SLC2A9: variants seen among roughly 807,000 people sequenced by gnomAD.
SLC2A9 encodes solute carrier family 2 member 9.
Under a neutral mutation model 50.6 loss-of-function variants are expected in SLC2A9, and 39 were observed. The observed-to-expected ratio is 0.77, with a 90% CI of 0.60 to 1.01. SLC2A9 has a LOEUF of 1.01. SLC2A9 is among the 50% of genes least tolerant of loss of function. The pLI, the probability that SLC2A9 is intolerant of heterozygous loss-of-function variation, is 0.00. For missense variants in SLC2A9, 686 were observed against 677.6 expected (o/e 1.01, Z -0.14); for synonymous variants, 324 against 276.9 (o/e 1.17, Z -1.69).
intron 3 of SLC2A9, among the ~76,000 whole-genome samples, chr4:9,993,025 T>G (rs1757982847): frequency 6.6e-6 from 1 of 152,256 alleles, no homozygotes; most frequent in African/African-American, 2.4e-5. Context: ...ACTCAGGGGC[T>G]GCCTCCTTTG....
intron 10 of SLC2A9, among the ~76,000 whole-genome samples, chr4:9,882,570 G>A (rs564352042): frequency 4.1e-4 from 63 of 152,188 alleles, no homozygotes; most frequent in Non-Finnish European, 8.2e-4. Flanking sequence ...TTAGCCAGGC[G>A]TGATGGTGGA....
At chr4:9,936,082 G>A (rs1364234212) in intron 6 of SLC2A9, among the ~76,000 whole-genome samples, 1 of 152,140 alleles carries the variant, frequency 6.6e-6, no homozygotes, top group Non-Finnish European at 1.5e-5. Flanking sequence ...GAGCCCTTCT[G>A]CCAAAATACC....
In SLC2A9 at chr4:9,866,234, A is replaced by G. The variant is rs531004348; in HGVS notation, c.1291+21333T>C. 4.0e-5 allele frequency among the ~76,000 whole-genome samples: 6 copies of G among 151,474 alleles called. No individual in the cohort carries two copies. In the South Asian group the frequency reaches 1.0e-3, roughly 26 times the overall value. ...GTATTATTATTATACCATTATTATT[A>G]TTAATATTATTATTATTATTATTGA... On this transcript the variant is annotated intron_variant, in intron 10 of 11. Coordinates refer to ENST00000264784, the MANE Select transcript of SLC2A9 (RefSeq NM_020041.3).
intron 5 of SLC2A9, among the ~76,000 whole-genome samples, chr4:9,957,981 T>C (rs893971420): frequency 6.6e-6 from 1 of 152,158 alleles, no homozygotes; most frequent in African/African-American, 2.4e-5. Context: ...GAAGTAATCA[T>C]ACAATTTCAA....
intron 10 of SLC2A9, chr4:9,880,636 G>T: frequency 4.6e-6 from 4 of 869,840 alleles, no homozygotes; most frequent in Non-Finnish European, 5.5e-6. Context: ...TGGCTTGTTT[G>T]TGTGCATGGG....
Position 9,948,847 on chromosome 4 carries a change from T to C in SLC2A9, c.682-6802A>G, listed in dbSNP as rs76698299. 6.1e-4 allele frequency among the ~76,000 whole-genome samples: 93 copies of C among 152,332 alleles called. 2 individuals carry two copies. The East Asian group carries it at 0.017, about 28-fold the overall frequency. On this transcript the variant is annotated intron_variant, in intron 5 of 11. Transcript: ENST00000264784. ...GCCCACATCTCCATCTCAGGGTCTC[T>C]TTTCTGGGGAACTCAACCTAAGACA... is the stretch of plus-strand genomic sequence containing the variant.
rs1372309579 is a variant in SLC2A9 at position 9,889,676 on chromosome 4, A to T, written c.1215+934T>A. Among the ~76,000 whole-genome samples, 3 of 152,238 alleles carry T rather than the reference A, an allele frequency of 2.0e-5. No individual in the cohort carries two copies. The East Asian group carries it at 5.8e-4, about 29-fold the overall frequency. On this transcript the variant is annotated intron_variant, in intron 9 of 11. Transcript: ENST00000264784. The stretch of plus-strand genomic sequence containing the variant: ...CTAGAAACATTTGGGCCACTAAGAC[A>T]TTTGACAGGTGATCAAAATGTGCAC...
chr4:9,940,735 C>A (rs1002741027), intron 6 of SLC2A9, among the ~76,000 whole-genome samples: 4 of 152,110 alleles, frequency 2.6e-5, no homozygotes, highest in African/African-American at 9.7e-5. Flanking sequence ...TGAATCTGAT[C>A]CATAAACTGC....
rs558630416 is a variant in SLC2A9, at chr4:10,007,314, C to T, written c.250-10373G>A. Among the ~76,000 whole-genome samples the T allele has an allele frequency of 1.6e-3, 245 of 152,342 alleles. 1 individual carries two copies. The highest frequency in any genetic ancestry group is 8.9e-3 in the South Asian group (43 of 4,828). On this transcript the variant is annotated intron_variant, in intron 2 of 11. Coordinates refer to ENST00000264784, the MANE Select transcript of SLC2A9 (RefSeq NM_020041.3). ...CCCCAAGTGATTCTCCCAGAGGAGC[C>T]TGGCTGACTCACTGGGAAAGAGGCT...
At chr4:9,796,144 T>C (rs190391101), downstream of SLC2A9, among the ~76,000 whole-genome samples, 1 of 152,332 alleles carries the variant, frequency 6.6e-6, no homozygotes, top group African/African-American at 2.4e-5. Flanking sequence ...GCTATGTGGC[T>C]CACGCTCCCA....
At chr4:10,025,987 A>G, upstream of SLC2A9, 1 of 1,613,084 alleles carries the variant, frequency 6.2e-7, no homozygotes, top group Non-Finnish European at 8.5e-7. Context: ...TCAGGTTTTG[A>G]ACTTTTGTTG....
intron 2 of SLC2A9, among the ~76,000 whole-genome samples, chr4:9,999,654 T>C (rs910464211): frequency 6.6e-6 from 1 of 151,990 alleles, no homozygotes; most frequent in Admixed American, 6.6e-5. Context: ...GGGCAGGTCA[T>C]GTGGGCCTGA....
At chr4:9,778,013 T>G (rs1291988971), downstream of SLC2A9, among the ~76,000 whole-genome samples, 5 of 152,078 alleles carry the variant, frequency 3.3e-5, no homozygotes, top group African/African-American at 1.2e-4. Flanking sequence ...AACTGAAATG[T>G]TTTACTTGCA....
chr4:9,852,407 C>T (rs975927344), intron 10 of SLC2A9, among the ~76,000 whole-genome samples: 70 of 151,862 alleles, frequency 4.6e-4, no homozygotes, highest in Admixed American at 1.4e-3. Flanking sequence ...CGCCCGCCAC[C>T]GCGCCCGGCT....
At chr4:9,859,569 T>C (rs975896360) in intron 10 of SLC2A9, among the ~76,000 whole-genome samples, 4 of 152,228 alleles carry the variant, frequency 2.6e-5, no homozygotes, top group African/African-American at 9.6e-5. Flanking sequence ...ACTGAAGCCC[T>C]TGTTCAGATT....
At chr4:9,981,273 G>T in intron 4 of SLC2A9, among the ~76,000 whole-genome samples, 1 of 151,468 alleles carries the variant, frequency 6.6e-6, no homozygotes, top group Non-Finnish European at 1.5e-5. Flanking sequence ...GGTGATAGTG[G>T]TGGTGGTAGT....
chr4:9,808,654 G>T (rs1426917955), intron 3 of SLC2A9, among the ~76,000 whole-genome samples: 1 of 152,166 alleles, frequency 6.6e-6, no homozygotes, highest in East Asian at 1.9e-4. Flanking sequence ...CCAGCATCTT[G>T]CACCCACAGA....
intron 3 of SLC2A9, chr4:9,782,937 G>A (rs376489659): frequency 1.2e-6 from 2 of 1,613,914 alleles, no homozygotes; most frequent in Non-Finnish European, 1.7e-6. Context: ...GTGATCATGG[G>A]GGTCTTCGTG....
At chr4:9,982,276 C>T (rs1057065517) in intron 4 of SLC2A9, among the ~76,000 whole-genome samples, 6 of 152,182 alleles carry the variant, frequency 3.9e-5, no homozygotes, top group Admixed American at 3.9e-4. Flanking sequence ...TAAGTGCCCT[C>T]GAGTTCTTCT....
Sources: allele counts gnomAD v4.1 joint callset (sites outside exome capture counted in the v4.1 genomes callset), GRCh38; gene constraint gnomAD v4.1.1; transcripts MANE v1.5; gene names NCBI Gene and HGNC (gene_info 2026-07-23, HGNC 2026-07-21).